Variants in PANX1 observed in about 807,000 individuals in gnomAD.
The protein encoded by PANX1 is pannexin 1, also known as pannexin-1.
PANX1 carries 30 observed loss-of-function variants against 38.7 expected under a neutral mutation model. The ratio of observed to expected loss-of-function variants is 0.78; its 90% confidence interval spans 0.58 to 1.05. The LOEUF (loss-of-function observed/expected upper bound fraction) is 1.05, where lower values mean the gene tolerates loss of function less well. Ranked by LOEUF, PANX1 falls within the 50% of genes least tolerant of loss-of-function variation. The probability of loss-of-function intolerance (pLI) is 0.00; values close to 1 mark genes in which losing one functional copy is unlikely to be tolerated. For missense variants in PANX1, 551 were observed against 517.2 expected, an observed-to-expected ratio of 1.07 and a Z score of -0.63; for synonymous variants, 230 against 212.2, an observed-to-expected ratio of 1.08 and a Z score of -0.73.
At position 94,129,444 on chromosome 11, in the gene PANX1, G is replaced by T. The variant is rs772743657; in HGVS notation, c.132G>T (p.Gly44=). Residue 44 remains glycine (G), a synonymous_variant, in exon 1 of 5, where the codon GGG becomes GGT. Transcript: ENST00000227638. ...AGATGGTCACGTGCATTGCGGTGGG[G>T]CTGCCCCTGCTGCTCATCTCGCTGG... The part of the protein sequence containing the change: ...VDKMVTCIAV[G]LPLLLISLAF... 6.2e-7 allele frequency: 1 copy of T among 1,613,608 alleles called. No individual in the cohort carries two copies. Among genetic ancestry groups the T allele is most frequent in the Non-Finnish European group, 8.5e-7 (1 of 1,179,690 alleles).
intron 2 of PANX1, among the ~76,000 whole-genome samples, chr11:94,176,467 A>T (rs990496279): frequency 6.6e-6 from 1 of 151,664 alleles, no homozygotes; most frequent in Non-Finnish European, 1.5e-5. Context: ...AAAAGTCTGA[A>T]GTTTAGTTTC....
chr11:94,131,414 A>T (rs1015089035), intron 1 of PANX1, among the ~76,000 whole-genome samples: 1 of 152,110 alleles, frequency 6.6e-6, no homozygotes, highest in African/African-American at 2.4e-5. Context: ...GCTGAGGGAG[A>T]TGGGAAAGGA....
chr11:94,156,556 G>C, intron 2 of PANX1, among the ~76,000 whole-genome samples: 1 of 152,194 alleles, frequency 6.6e-6, no homozygotes, highest in Middle Eastern at 3.4e-3. Flanking sequence ...ATAGGGACAA[G>C]AGTCCTGATT....
chr11:94,144,904 A>AAAAAAAT (rs1233736771), intron 1 of PANX1, among the ~76,000 whole-genome samples: 18 of 152,142 alleles, frequency 1.2e-4, no homozygotes, highest in African/African-American at 4.3e-4. Flanking sequence ...GCTAGCTCAC[A>AAAAAAAT]GGTTTCTTTT....
At chr11:94,134,415 C>T (rs75694650) in intron 1 of PANX1, among the ~76,000 whole-genome samples, 5,779 of 152,224 alleles carry the variant, frequency 0.038, 352 homozygotes, top group African/African-American at 0.13. Context: ...CTCTGAAATT[C>T]TAGAAGTATT....
At chr11:94,134,636 C>T (rs1266744271) in intron 1 of PANX1, among the ~76,000 whole-genome samples, 2 of 130,240 alleles carry the variant, frequency 1.5e-5, no homozygotes, top group Middle Eastern at 4.0e-3. Flanking sequence ...CTCTTTCTCT[C>T]CCCCCTCCCT....
chr11:94,180,202 T>C lies in PANX1; in HGVS notation c.1146T>C (p.Thr382=). 6.2e-7 allele frequency: 1 copy of C among 1,613,572 alleles called. No homozygotes were observed. The highest frequency in any genetic ancestry group is 8.5e-7 in the Non-Finnish European group (1 of 1,179,766). The change falls in exon 4 of 5, where the codon ACT becomes ACC. Residue 382 remains threonine, a synonymous_variant. Coordinates refer to ENST00000227638, the MANE Select transcript of PANX1 (RefSeq NM_015368.4). ...MIKMDVVDGK[T]PMSAEMREEQ... ...AGATGGATGTTGTTGATGGCAAAAC[T>C]CCCATGTCTGCAGAGATGAGAGAGG...
At chr11:94,131,797 G>T (rs1946632642) in intron 1 of PANX1, among the ~76,000 whole-genome samples, 1 of 152,104 alleles carries the variant, frequency 6.6e-6, no homozygotes, top group Non-Finnish European at 1.5e-5. Context: ...ACAGTGGGAG[G>T]GATCATGTCA....
intron 1 of PANX1, among the ~76,000 whole-genome samples, chr11:94,144,511 C>T (rs563729266): frequency 2.0e-5 from 3 of 152,282 alleles, no homozygotes; most frequent in South Asian, 2.1e-4. Flanking sequence ...TAGCCTTAGG[C>T]GCTCTGGGTG....
At position 94,175,839 on chromosome 11, in the gene PANX1, T is replaced by G. The variant is rs146477300; in HGVS notation, c.322-2530T>G. The G allele has an allele frequency of 9.0e-4, 883 of 984,830 alleles. 1 individual carries two copies. Among genetic ancestry groups the G allele is most frequent in the Non-Finnish European group, 9.9e-4 (824 of 829,942 alleles). 61.0% of individuals were successfully genotyped at this position (984,830 alleles called of 1,614,324 possible). On this transcript the variant is annotated intron_variant, in intron 2 of 4. Transcript: ENST00000227638. ...CCCTTTGCAAATTGGGTTAATACTT[T>G]TGAAACACCTCATCCCGTGCCAGAA...
chr11:94,153,964 C>T (rs1248760806), intron 2 of PANX1, among the ~76,000 whole-genome samples: 1 of 152,172 alleles, frequency 6.6e-6, no homozygotes, highest in Non-Finnish European at 1.5e-5. Context: ...TCTGAATGAG[C>T]ATAGCTAGAC....
At chr11:94,179,442 T>C (rs1177049953) in intron 3 of PANX1, among the ~76,000 whole-genome samples, 160 bp from the exon 4 acceptor site, 1 of 152,230 alleles carries the variant, frequency 6.6e-6, no homozygotes, top group Admixed American at 6.5e-5. Flanking sequence ...CTTTTCTTCC[T>C]CCTCTTTTAA....
At chr11:94,144,712 C>T (rs1946807427) in intron 1 of PANX1, among the ~76,000 whole-genome samples, 3 of 152,178 alleles carry the variant, frequency 2.0e-5, no homozygotes, top group African/African-American at 4.8e-5. Flanking sequence ...CACCCAGCCT[C>T]CATGGCCTGT....
chr11:94,166,068 C>T (rs1294118509), intron 2 of PANX1, among the ~76,000 whole-genome samples: 3 of 152,244 alleles, frequency 2.0e-5, no homozygotes, highest in Non-Finnish European at 4.4e-5. Flanking sequence ...TCATCCCCCC[C>T]TCGCTTTCGA....
At chr11:94,156,483 G>T (rs1220981806) in intron 2 of PANX1, among the ~76,000 whole-genome samples, 1 of 152,120 alleles carries the variant, frequency 6.6e-6, no homozygotes, top group Non-Finnish European at 1.5e-5. Flanking sequence ...CTTGGCATTT[G>T]GTTGGGACTC....
rs544695092 is a variant in PANX1, at chr11:94,169,523, A to G, written c.322-8846A>G. Among the ~76,000 whole-genome samples the G allele has an allele frequency of 2.7e-4, 41 of 151,818 alleles. 2 individuals carry two copies. Among genetic ancestry groups the G allele is most frequent in the African/African-American group, 9.7e-4 (40 of 41,092 alleles). ...CTGTGACACCTTATTTGGAAATATAATTATAGCAGATGTAATTAGTTAAGA... is the reference window on the plus strand; with the variant it reads ...CTGTGACACCTTATTTGGAAATATAGTTATAGCAGATGTAATTAGTTAAGA... On this transcript the variant is annotated intron_variant, in intron 2 of 4. Coordinates refer to ENST00000227638, the MANE Select transcript of PANX1 (RefSeq NM_015368.4).
At position 94,129,404 on chromosome 11, in the gene PANX1, A is replaced by T. The variant is rs781284315; in HGVS notation, c.92A>T (p.Glu31Val). ...CCCAAGTTCAAGGGGCTGCGACTGG[A>T]GCTGGCTGTGGACAAGATGGTCACG... ...TEPKFKGLRL[E>V]LAVDKMVTCI... The change falls in exon 1 of 5, where the codon GAG (glutamate) becomes GTG (valine). Residue 31 changes from glutamate to valine, a missense_variant. By Grantham distance (121) the Glu-to-Val change is moderately radical. Coordinates refer to ENST00000227638, the MANE Select transcript of PANX1 (RefSeq NM_015368.4). 1 of 1,614,042 alleles carries T rather than the reference A, an allele frequency of 6.2e-7. No individual in the cohort carries two copies. Among genetic ancestry groups the T allele is most frequent in the Admixed American group, 1.7e-5 (1 of 60,016 alleles).
At chr11:94,149,685 G>C (rs1946864685) in intron 1 of PANX1, among the ~76,000 whole-genome samples, 1 of 152,196 alleles carries the variant, frequency 6.6e-6, no homozygotes, top group African/African-American at 2.4e-5. Context: ...TGCAAAATCT[G>C]TTCCCTAGAA....
At chr11:94,134,679 T>C (rs781155623) in intron 1 of PANX1, among the ~76,000 whole-genome samples, 1 of 127,034 alleles carries the variant, frequency 7.9e-6, no homozygotes, top group African/African-American at 3.0e-5. Context: ...CCTCCTTCTC[T>C]CCCTCTTTCC....
Sources: gnomAD v4.1 joint callset for allele counts (sites outside exome capture counted in the v4.1 genomes callset) on GRCh38, gnomAD v4.1.1 for gene constraint, MANE v1.5 for transcripts, NCBI Gene and HGNC (gene_info 2026-07-23, HGNC 2026-07-21) for gene names.